Variants in TMEM117 observed in about 807,000 individuals in gnomAD.
The protein encoded by TMEM117 is transmembrane protein 117.
A neutral mutation model predicts 52.4 loss-of-function variants in TMEM117; 27 were observed. That is an observed-to-expected ratio of 0.51 (90% CI 0.38 to 0.71). The LOEUF (loss-of-function observed/expected upper bound fraction) is 0.71, where lower values mean the gene tolerates loss of function less well. TMEM117 is among the 30% of genes least tolerant of loss of function. The probability of loss-of-function intolerance (pLI) is 0.00; values close to 1 mark genes in which losing one functional copy is unlikely to be tolerated. For synonymous variants in TMEM117, 215 were observed against 206.3 expected (o/e 1.04, Z -0.36); for missense variants, 556 against 630.5 (o/e 0.88, Z 1.26).
At position 43,916,496 on chromosome 12, in the gene TMEM117, G is replaced by A. The variant is rs1380400049; in HGVS notation, c.278-27714G>A. Among the ~76,000 whole-genome samples, 4 of 152,094 alleles carry A rather than the reference G, an allele frequency of 2.6e-5. No homozygotes were observed. In the East Asian group the frequency reaches 7.7e-4, roughly 29 times the overall value. On this transcript the variant is annotated intron_variant, in intron 2 of 7. Transcript: ENST00000266534. ...CTAGATTATTAAATATCATGTATAA[G>A]CACATCTTAATGGTTGCATGATTTT...
At chr12:43,869,921 C>A (rs1191600498) in intron 2 of TMEM117, among the ~76,000 whole-genome samples, 1 of 152,112 alleles carries the variant, frequency 6.6e-6, no homozygotes, top group African/African-American at 2.4e-5. Flanking sequence ...TCTCCCACCA[C>A]CCCCCATACT....
chr12:44,010,400 G>A (rs1332997955), intron 3 of TMEM117, among the ~76,000 whole-genome samples: 1 of 152,130 alleles, frequency 6.6e-6, no homozygotes, highest in Non-Finnish European at 1.5e-5. Context: ...TCAGGAAAGC[G>A]CACTATGCCT....
intron 5 of TMEM117, among the ~76,000 whole-genome samples, chr12:44,231,066 T>G (rs1481440598): frequency 6.6e-6 from 1 of 151,976 alleles, no homozygotes; most frequent in Non-Finnish European, 1.5e-5. Context: ...TCATCAACAT[T>G]CCAGATTCCT....
At chr12:44,245,130 C>G (rs1950112715) in intron 5 of TMEM117, among the ~76,000 whole-genome samples, 1 of 151,978 alleles carries the variant, frequency 6.6e-6, no homozygotes, top group South Asian at 2.1e-4. Flanking sequence ...TGTGATACCT[C>G]TAGCTTTGTT....
At chr12:44,374,732 A>C (rs920156118) in intron 6 of TMEM117, among the ~76,000 whole-genome samples, 4 of 151,916 alleles carry the variant, frequency 2.6e-5, no homozygotes, top group Admixed American at 2.6e-4. Flanking sequence ...CCAATTTCAT[A>C]CCCAATAGAA....
chr12:44,387,949 A>G, intron 7 of TMEM117, 77 bp from the exon 8 acceptor site: 1 of 1,257,508 alleles, frequency 8.0e-7, no homozygotes, highest in Non-Finnish European at 1.1e-6. Context: ...TTATACCATT[A>G]TCCTCATTTT....
intron 4 of TMEM117, among the ~76,000 whole-genome samples, chr12:44,157,457 T>A (rs1049971487): frequency 4.6e-5 from 7 of 152,200 alleles, no homozygotes; most frequent in Non-Finnish European, 5.9e-5. Context: ...ATTTTCTGAA[T>A]GAAGACTTTT....
At chr12:44,139,928 A>G (rs1325563194) in intron 3 of TMEM117, among the ~76,000 whole-genome samples, 1 of 152,208 alleles carries the variant, frequency 6.6e-6, no homozygotes, top group Admixed American at 6.5e-5. Flanking sequence ...GTTAATGGAT[A>G]TGCAAATGAA....
intron 4 of TMEM117, among the ~76,000 whole-genome samples, chr12:44,146,968 T>TCC (rs1948651625): frequency 6.6e-6 from 1 of 152,132 alleles, no homozygotes; most frequent in Non-Finnish European, 1.5e-5. Flanking sequence ...ATGAGAAGTA[T>TCC]CTTTGGCCCT....
chr12:44,056,347 C>G (rs1385997177), intron 3 of TMEM117, among the ~76,000 whole-genome samples: 2 of 152,068 alleles, frequency 1.3e-5, no homozygotes, highest in Admixed American at 6.6e-5. Context: ...CATTGACACA[C>G]TTTTCCAAAC....
At chr12:43,871,239 A>T (rs1943699920) in intron 2 of TMEM117, among the ~76,000 whole-genome samples, 1 of 151,852 alleles carries the variant, frequency 6.6e-6, no homozygotes, top group African/African-American at 2.4e-5. Context: ...AGTAGCTGGG[A>T]TTACAGGCGT....
chr12:43,866,881 G>A (rs988840212), intron 2 of TMEM117, among the ~76,000 whole-genome samples: 1 of 152,104 alleles, frequency 6.6e-6, no homozygotes, highest in Non-Finnish European at 1.5e-5. Flanking sequence ...ACCTGAGGTC[G>A]GGAGGTTGAG....
At chr12:43,847,555 G>C (rs531576957) in intron 2 of TMEM117, among the ~76,000 whole-genome samples, 18 of 152,216 alleles carry the variant, frequency 1.2e-4, no homozygotes, top group African/African-American at 3.9e-4. Flanking sequence ...CAAATGAAAG[G>C]GTTGCTGATT....
chr12:44,224,430 T>A lies in TMEM117; in HGVS notation c.608+13043T>A, dbSNP rs1036712491. 6.8e-4 allele frequency among the ~76,000 whole-genome samples: 103 copies of A among 152,142 alleles called. 2 individuals are homozygous for A. The highest frequency in any genetic ancestry group is 2.4e-4 in the Non-Finnish European group (16 of 68,036). The stretch of plus-strand genomic sequence containing the variant: ...GACTCTTCTCTACATCCTTCATCTG[T>A]GCCAACTCTAGCACAAAGGGGAACC... On this transcript the variant is annotated intron_variant, in intron 5 of 7. Transcript: ENST00000266534.
chr12:43,962,650 G>A (rs139482543), intron 3 of TMEM117, among the ~76,000 whole-genome samples: 165 of 152,274 alleles, frequency 1.1e-3, no homozygotes, highest in East Asian at 6.6e-3. Flanking sequence ...GGCCGGGCAC[G>A]TGGCTCACAC....
intron 1 of TMEM117, among the ~76,000 whole-genome samples, chr12:43,838,537 GTTTTTTTT>G (rs780135058): frequency 1.1e-5 from 1 of 93,346 alleles, no homozygotes; most frequent in African/African-American, 5.2e-5. Context: ...GAGTCTTCCA[GTTTTTTTT>G]TTTTTTTTTT....
At chr12:44,348,722 G>T (rs1304966406) in intron 6 of TMEM117, among the ~76,000 whole-genome samples, 1 of 151,938 alleles carries the variant, frequency 6.6e-6, no homozygotes, top group Non-Finnish European at 1.5e-5. Flanking sequence ...ACTAAGAAAA[G>T]GGGATATTGG....
chr12:44,297,923 T>G (rs1950788778), intron 5 of TMEM117, among the ~76,000 whole-genome samples: 1 of 152,180 alleles, frequency 6.6e-6, no homozygotes. Context: ...ATTTTTGTGA[T>G]CAAAGTTACT....
chr12:44,087,793 A>G (rs1200913401), intron 3 of TMEM117, among the ~76,000 whole-genome samples: 2 of 152,148 alleles, frequency 1.3e-5, no homozygotes, highest in African/African-American at 2.4e-5. Flanking sequence ...TAAGTTCACA[A>G]ATGTATAGCA....
Sources: gnomAD v4.1 joint callset for allele counts (sites outside exome capture counted in the v4.1 genomes callset) on GRCh38, gnomAD v4.1.1 for gene constraint, MANE v1.5 for transcripts, NCBI Gene and HGNC (gene_info 2026-07-23, HGNC 2026-07-21) for gene names.